The following LRRC41 variants were observed in gnomAD, a reference collection of about 807,000 sequenced individuals.
LRRC41 encodes leucine-rich repeat-containing protein 41.
In LRRC41, 17 loss-of-function variants were observed where a neutral mutation model predicts 72.1. That is an observed-to-expected ratio of 0.24 (90% CI 0.16 to 0.35). LRRC41 has a LOEUF of 0.35. LRRC41 is among the 10% of genes least tolerant of loss of function. LRRC41 has a pLI of 1.00. For missense variants in LRRC41, 759 were observed against 1,065.0 expected, an observed-to-expected ratio of 0.71 and a Z score of 4.00; for synonymous variants, 427 against 431.0, an observed-to-expected ratio of 0.99 and a Z score of 0.11.
At chr1:46,282,787 C>T (rs1660806565) in intron 4 of LRRC41, among the ~76,000 whole-genome samples, 1 of 152,028 alleles carries the variant, frequency 6.6e-6, no homozygotes. Flanking sequence ...AATCCCAGCA[C>T]TTTGGGAGGC....
chr1:46,291,543 C>T (rs945332441), intron 3 of LRRC41, among the ~76,000 whole-genome samples: 2 of 149,050 alleles, frequency 1.3e-5, no homozygotes, highest in Non-Finnish European at 3.0e-5. Context: ...CACTGTGTTG[C>T]CCCAGCTGGT....
chr1:46,292,163 A>G (rs1018182224), intron 3 of LRRC41, among the ~76,000 whole-genome samples: 18 of 151,752 alleles, frequency 1.2e-4, no homozygotes, highest in Non-Finnish European at 2.4e-4. Context: ...AAAATACAAA[A>G]AGTAGCCGAG....
intron 3 of LRRC41, among the ~76,000 whole-genome samples, chr1:46,289,197 A>G (rs978832121): frequency 2.0e-5 from 3 of 152,358 alleles, no homozygotes; most frequent in Admixed American, 1.3e-4. Context: ...AGTGAGCAGC[A>G]TGACACAGTG....
chr1:46,280,676 G>A (rs1171804812), intron 5 of LRRC41, 116 bp from the exon 6 acceptor site: 15 of 1,011,068 alleles, frequency 1.5e-5, no homozygotes, highest in Middle Eastern at 3.3e-4. Context: ...TTCACTTGTC[G>A]TTGAGTGCCT....
intron 3 of LRRC41, among the ~76,000 whole-genome samples, chr1:46,295,872 G>T (rs1054491940): frequency 1.4e-4 from 21 of 152,222 alleles, no homozygotes; most frequent in African/African-American, 5.1e-4. Flanking sequence ...AGATTTGGAA[G>T]TGAATAAGCC....
intron 3 of LRRC41, chr1:46,297,178 A>C (rs534215587): frequency 5.9e-6 from 1 of 168,982 alleles, no homozygotes; most frequent in South Asian, 1.5e-4. Flanking sequence ...AGCTGTTACT[A>C]ATCATACTCC....
intron 3 of LRRC41, among the ~76,000 whole-genome samples, chr1:46,294,592 C>CTTTT (rs60249294): frequency 1.7e-4 from 18 of 108,314 alleles, no homozygotes; most frequent in East Asian, 3.0e-4. Context: ...ACAACTAATT[C>CTTTT]TTTTTTTTTT....
In LRRC41 at chr1:46,280,966, A is replaced by G. The variant is rs114356280; in HGVS notation, c.1756+159T>C. Among the ~76,000 whole-genome samples, 435 of 152,258 alleles carry G rather than the reference A, an allele frequency of 2.9e-3. 2 individuals carry two copies. The highest frequency in any genetic ancestry group is 9.8e-3 in the African/African-American group (409 of 41,528). On this transcript the variant is annotated intron_variant, in intron 5 of 9. Transcript: ENST00000617190. ...TGGTTTAGGCCCTGTCTAGCTCAAG[A>G]GTATCTTAGTGGTAGGCTCTAAAGG...
chr1:46,278,273 C>T lies in LRRC41; in HGVS notation c.*592G>A, dbSNP rs767999082. ...AGCGTTCTCATGAGGAGCAGCGGGG[C>T]CTCCGCTGATAACCAGCTGGTCTGG... On this transcript the variant is annotated 3_prime_UTR_variant, in exon 10 of 10. Transcript: ENST00000617190. 3 of 1,612,232 alleles carry T rather than the reference C, an allele frequency of 1.9e-6. No homozygotes were observed. The highest frequency in any genetic ancestry group is 8.5e-7 in the Non-Finnish European group (1 of 1,179,432).
chr1:46,298,257 CT>C, intron 2 of LRRC41, 26 bp downstream of exon 2: 1 of 1,460,380 alleles, frequency 6.8e-7, no homozygotes, highest in Non-Finnish European at 9.5e-7. Flanking sequence ...TAATCATTGA[CT>C]GAGAAAGAGA....
rs1360811655 is a variant in LRRC41, at chr1:46,286,825, TTTTTTC to T, written c.358-332_358-327del. Among the ~76,000 whole-genome samples the T allele has an allele frequency of 5.3e-5, 8 of 152,252 alleles. No homozygotes were observed. Among genetic ancestry groups the T allele is most frequent in the African/African-American group, 1.7e-4 (7 of 41,538 alleles). ...GTTTCTAGAACCTTATCCCAATTTT[TTTTTTC>T]TTTTTAAGATAGAGTCTCACTTTGT... On this transcript the variant is annotated intron_variant, in intron 3 of 9. Transcript: ENST00000617190. This position sits in a 1 kb window ranked among gnomAD's most constrained non-coding sequence, Gnocchi z 5.5.
At chr1:46,299,172 C>T (rs1661179857) in intron 1 of LRRC41, 1 of 152,182 alleles carries the variant, frequency 6.6e-6, no homozygotes, top group African/African-American at 2.4e-5. Context: ...TAGAGTAGGA[C>T]AAATCTGAGT....
rs1379136427 is a variant in LRRC41, at chr1:46,278,043, G to C, written c.*822C>G. On this transcript the variant is annotated 3_prime_UTR_variant, in exon 10 of 10. Transcript: ENST00000617190. ...ACACAGTAGGGAGATGGGATCTGTA[G>C]TGACTTCAGCTGTGCCTTCTGTCCC... 1 of 1,614,144 alleles carries C rather than the reference G, an allele frequency of 6.2e-7. No individual in the cohort carries two copies. Among genetic ancestry groups the C allele is most frequent in the Non-Finnish European group, 8.5e-7 (1 of 1,179,988 alleles).
In LRRC41 at chr1:46,278,385, T is replaced by C. The variant is rs1660688271; in HGVS notation, c.*480A>G. On this transcript the variant is annotated 3_prime_UTR_variant, in exon 10 of 10. Transcript: ENST00000617190. The stretch of plus-strand genomic sequence containing the variant: ...AATTTTGTTCTCTGGGAGAAAATCA[T>C]CAAGAAGGGCTGCATGATGTTTGCC... 1.5e-6 allele frequency: 2 copies of C among 1,305,868 alleles called. No individual in the cohort carries two copies. The allele number at this position is 1,305,868 out of a possible 1,614,324, so 80.9% of individuals were successfully genotyped here. A position where few individuals can be genotyped will look rare whatever the true frequency, so the allele number is the denominator to read the frequency against.
At position 46,279,124 on chromosome 1, in the gene LRRC41, A is replaced by C. The variant is rs1327599423; in HGVS notation, c.2220-40T>G. On this transcript the variant is annotated intron_variant, in intron 9 of 9. Coordinates refer to ENST00000617190, the MANE Select transcript of LRRC41 (RefSeq NM_006369.5). The surrounding 1 kb of genome is among the most constrained non-coding windows in gnomAD (Gnocchi z 4.5). Reference sequence around the variant, plus strand: ...TGGATTAGATATCCAGGAAGCAGTGAATTCCTGGTCTATATCTCTGTAGCC... The same window carrying C: ...TGGATTAGATATCCAGGAAGCAGTGCATTCCTGGTCTATATCTCTGTAGCC... 1 of 1,606,568 alleles carries C rather than the reference A, an allele frequency of 6.2e-7. No individual in the cohort carries two copies. The highest frequency in any genetic ancestry group is 8.5e-7 in the Non-Finnish European group (1 of 1,173,814).
rs1420579154 is a variant in LRRC41, at chr1:46,302,922, G to A, written c.199+202C>T. 2.0e-6 allele frequency: 2 copies of A among 983,232 alleles called. No homozygotes were observed. The highest frequency in any genetic ancestry group is 1.2e-4 in the East Asian group (1 of 8,672). The allele number at this position is 983,232 out of a possible 1,614,324, so 60.9% of individuals were successfully genotyped here. On this transcript the variant is annotated intron_variant, in intron 1 of 9. Transcript: ENST00000617190. The surrounding 1 kb of genome is among the most constrained non-coding windows in gnomAD (Gnocchi z 4.7). ...CGCCCCCGAGCCAGGCCGCGGTGCG[G>A]GTCAGCCTGCCCATTTAGGTCTCCG... is the stretch of plus-strand genomic sequence containing the variant.
rs112152441 is a variant in LRRC41, at chr1:46,279,299, CAG to C, written c.2144-44_2144-43del. ...AACGCCTATCACCTCCACCCAAGAA[CAG>C]GGGACAAGGGTATCCCAACCCAACT... On this transcript the variant is annotated intron_variant, in intron 8 of 9. Transcript: ENST00000617190. The surrounding 1 kb of genome is among the most constrained non-coding windows in gnomAD (Gnocchi z 4.5). 4,377 of 1,606,976 alleles carry C rather than the reference CAG, an allele frequency of 2.7e-3. 61 individuals are homozygous for C. Among genetic ancestry groups the C allele is most frequent in the African/African-American group, 0.024 (1,801 of 74,922 alleles).
At chr1:46,288,036 G>A (rs1022602635) in intron 3 of LRRC41, among the ~76,000 whole-genome samples, 1 of 152,170 alleles carries the variant, frequency 6.6e-6, no homozygotes, top group Non-Finnish European at 1.5e-5. Flanking sequence ...TCAGCCTTTG[G>A]TGCACATCAG....
chr1:46,299,420 CAA>C (rs1324551822), intron 1 of LRRC41: 2 of 152,050 alleles, frequency 1.3e-5, no homozygotes, highest in Non-Finnish European at 2.9e-5. Flanking sequence ...TATCTCAAAA[CAA>C]AACAAAAATT....
Sources: gnomAD v4.1 joint callset for allele counts (sites outside exome capture counted in the v4.1 genomes callset) on GRCh38, gnomAD v4.1.1 for gene constraint, Gnocchi (gnomAD v3.1) non-coding constraint, MANE v1.5 for transcripts, NCBI Gene and HGNC (gene_info 2026-07-23, HGNC 2026-07-21) for gene names.